Variants in ELAVL2 observed in about 807,000 individuals in gnomAD.
The protein encoded by ELAVL2 is ELAV like RNA binding protein 2.
A neutral mutation model predicts 34.6 loss-of-function variants in ELAVL2; 4 were observed. That is an observed-to-expected ratio of 0.12 (90% CI 0.06 to 0.26). The LOEUF (loss-of-function observed/expected upper bound fraction) is 0.26. Ranked by LOEUF, ELAVL2 falls within the 10% of genes least tolerant of loss-of-function variation. ELAVL2 has a pLI of 1.00. For synonymous variants in ELAVL2, 193 were observed against 154.8 expected (o/e 1.25, Z -1.83); for missense variants, 432 against 442.8 (o/e 0.98, Z 0.22).
chr9:23,842,770 C>T, the ELAVL2 span, among the ~76,000 whole-genome samples: 1 of 152,124 alleles, frequency 6.6e-6, no homozygotes, highest in South Asian at 2.1e-4. Flanking sequence ...TCTCCCTTCT[C>T]ATTCTCTATG....
intron 3 of ELAVL2, among the ~76,000 whole-genome samples, chr9:23,720,604 C>A (rs1159797214): frequency 6.6e-6 from 1 of 152,144 alleles, no homozygotes; most frequent in Non-Finnish European, 1.5e-5. Flanking sequence ...TGAAAATGAG[C>A]AAATTGTGTG....
intron 5 of ELAVL2, among the ~76,000 whole-genome samples, chr9:23,696,041 G>A (rs962517621): frequency 7.2e-5 from 11 of 152,098 alleles, no homozygotes; most frequent in Admixed American, 2.0e-4. Flanking sequence ...AGTTTTACAT[G>A]ATACCATGAT....
intron 3 of ELAVL2, among the ~76,000 whole-genome samples, chr9:23,725,086 A>T (rs373890222): frequency 1.6e-4 from 25 of 152,296 alleles, no homozygotes; most frequent in South Asian, 1.2e-3. Context: ...ACAAGCCAGA[A>T]AAACACTAGG....
intron 1 of ELAVL2, among the ~76,000 whole-genome samples, chr9:23,782,943 C>G (rs893133471): frequency 6.6e-6 from 1 of 152,126 alleles, no homozygotes; most frequent in Non-Finnish European, 1.5e-5. Flanking sequence ...CTTTCCAATC[C>G]CAGCTTCCCA....
intron 1 of ELAVL2, among the ~76,000 whole-genome samples, chr9:23,783,116 C>T: frequency 7.1e-6 from 1 of 141,508 alleles, no homozygotes; most frequent in East Asian, 2.3e-4. Context: ...AATAAGCATA[C>T]CTGGAATTTA....
chr9:23,813,663 A>T (rs528323853), intron 1 of ELAVL2, among the ~76,000 whole-genome samples: 1 of 152,258 alleles, frequency 6.6e-6, no homozygotes, highest in African/African-American at 2.4e-5. Flanking sequence ...AGGAGAGAAA[A>T]GGTAAGTTAA....
At chr9:23,767,699 G>C (rs1048804184) in intron 1 of ELAVL2, among the ~76,000 whole-genome samples, 2 of 152,144 alleles carry the variant, frequency 1.3e-5, no homozygotes, top group Non-Finnish European at 2.9e-5. Context: ...CTTGAACCCA[G>C]GAGGGGGAGG....
chr9:23,701,234 C>T, intron 5 of ELAVL2, 145 bp downstream of exon 5: 2 of 838,554 alleles, frequency 2.4e-6, no homozygotes, highest in South Asian at 1.7e-5. Context: ...CTCTCTGTGC[C>T]CATGGAGATG....
chr9:23,816,317 T>TAAAAAA (rs10717104), intron 1 of ELAVL2, among the ~76,000 whole-genome samples: 16 of 44,696 alleles, frequency 3.6e-4, no homozygotes, highest in South Asian at 1.3e-3. Context: ...AAGCTTTCAG[T>TAAAAAA]AAAAAAAAAA....
chr9:23,703,623 T>C (rs1266399350), intron 4 of ELAVL2, among the ~76,000 whole-genome samples: 1 of 152,146 alleles, frequency 6.6e-6, no homozygotes, highest in African/African-American at 2.4e-5. Flanking sequence ...TAGATTCAGA[T>C]CAACTAAATG....
At chr9:23,719,290 A>C (rs1181095294) in intron 3 of ELAVL2, among the ~76,000 whole-genome samples, 2 of 152,208 alleles carry the variant, frequency 1.3e-5, no homozygotes, top group African/African-American at 4.8e-5. Flanking sequence ...ACCGCCAAAT[A>C]GTATCCCCTT....
chr9:23,776,577 G>T (rs1053348206), intron 1 of ELAVL2, among the ~76,000 whole-genome samples: 3 of 151,990 alleles, frequency 2.0e-5, no homozygotes, highest in African/African-American at 7.3e-5. Flanking sequence ...AAACAAAGAT[G>T]TACAAAACCC....
intron 2 of ELAVL2, among the ~76,000 whole-genome samples, chr9:23,758,960 G>A (rs1334710813): frequency 1.3e-5 from 2 of 152,050 alleles, no homozygotes; most frequent in African/African-American, 2.4e-5. Context: ...ACACACTATC[G>A]TGGGAAGGCA....
intron 2 of ELAVL2, among the ~76,000 whole-genome samples, chr9:23,754,445 G>GTT: frequency 1.4e-5 from 2 of 146,624 alleles, no homozygotes; most frequent in African/African-American, 5.0e-5. Context: ...TTGGCATTAA[G>GTT]TTTTTTTTTT....
At position 23,692,875 on chromosome 9, in the gene ELAVL2, T is replaced by C; in HGVS notation, c.762A>G (p.Pro254=). 1 of 1,613,490 alleles carries C rather than the reference T, an allele frequency of 6.2e-7. No homozygotes were observed. The highest frequency in any genetic ancestry group is 2.2e-5 in the East Asian group (1 of 44,824). The change falls in exon 7 of 7, where the codon CCA becomes CCG. Residue 254 remains proline, a synonymous_variant. Transcript: ENST00000397312. ...AACTGGTCATTCCGTCAATGGTCAT[T>C]GGAGAAAACCTGCTAAACAGAATAG... is the stretch of plus-strand genomic sequence containing the variant. ...NMAYGVKRFS[P]MTIDGMTSLA...
chr9:23,697,754 G>C (rs1451094629), intron 5 of ELAVL2, among the ~76,000 whole-genome samples: 1 of 152,028 alleles, frequency 6.6e-6, no homozygotes. Context: ...TGGACTATGG[G>C]AAGGCCTACA....
chr9:23,832,995 A>C, the ELAVL2 span, among the ~76,000 whole-genome samples: 1 of 152,102 alleles, frequency 6.6e-6, no homozygotes, highest in Admixed American at 6.5e-5. Context: ...TGAAATCTCA[A>C]AGACATTTCT....
In ELAVL2 at chr9:23,736,584, A is replaced by T. The variant is rs573885142; in HGVS notation, c.230-5459T>A. On this transcript the variant is annotated intron_variant, in intron 2 of 6. Transcript: ENST00000397312. ...GGCTTGAAGGAACTAGCTCAAGTCTAACAGTGAAGATGTGCAAGACGTTCC... is the reference window on the plus strand; with the variant it reads ...GGCTTGAAGGAACTAGCTCAAGTCTTACAGTGAAGATGTGCAAGACGTTCC... Among the ~76,000 whole-genome samples, 3 of 152,280 alleles carry T rather than the reference A, an allele frequency of 2.0e-5. No individual in the cohort carries two copies. The South Asian group carries it at 6.2e-4, about 32-fold the overall frequency.
the ELAVL2 span, among the ~76,000 whole-genome samples, chr9:23,841,590 T>C: frequency 6.6e-6 from 1 of 152,168 alleles, no homozygotes; most frequent in Admixed American, 6.6e-5. Flanking sequence ...GACTCTGCAA[T>C]GTAAATATAA....
Sources: gnomAD v4.1 joint callset for allele counts (sites outside exome capture counted in the v4.1 genomes callset) on GRCh38, gnomAD v4.1.1 for gene constraint, MANE v1.5 for transcripts, NCBI Gene and HGNC (gene_info 2026-07-23, HGNC 2026-07-21) for gene names.